The following SPATS2L variants were observed in gnomAD, a reference collection of about 807,000 sequenced individuals.
SPATS2L encodes SPATS2-like protein.
SPATS2L carries 30 observed loss-of-function variants against 59.6 expected under a neutral mutation model. The observed-to-expected ratio is 0.50, with a 90% CI of 0.38 to 0.68. SPATS2L has a LOEUF of 0.68. SPATS2L is among the 30% of genes least tolerant of loss of function. SPATS2L has a pLI of 0.00. For synonymous variants in SPATS2L, 252 were observed against 263.5 expected (o/e 0.96, Z 0.42); for missense variants, 615 against 700.0 (o/e 0.88, Z 1.37).
At chr2:200,327,475 A>G (rs940213695) in intron 1 of SPATS2L, among the ~76,000 whole-genome samples, 4 of 152,250 alleles carry the variant, frequency 2.6e-5, no homozygotes, top group East Asian at 1.9e-4. Context: ...GTAGTGGCAG[A>G]TGGAATTTAC....
intron 3 of SPATS2L, chr2:200,390,842 T>C (rs1270362155): frequency 6.7e-6 from 1 of 149,526 alleles, no homozygotes; most frequent in African/African-American, 2.5e-5. Flanking sequence ...CAGTCATGAA[T>C]GTAGGCAAAG....
chr2:200,474,155 G>A (rs998815491), intron 12 of SPATS2L, among the ~76,000 whole-genome samples: 1 of 148,894 alleles, frequency 6.7e-6, no homozygotes, highest in South Asian at 2.1e-4. Context: ...CAGGTGTCTT[G>A]TTGGGTTTTG....
chr2:200,454,593 GTC>G (rs1186681447), intron 8 of SPATS2L, among the ~76,000 whole-genome samples: 1 of 152,170 alleles, frequency 6.6e-6, no homozygotes, highest in Non-Finnish European at 1.5e-5. Context: ...AAACTGTAAA[GTC>G]TTTGCCATGG....
At chr2:200,459,038 T>C (rs4674085) in intron 8 of SPATS2L, among the ~76,000 whole-genome samples, 71,028 of 151,928 alleles carry the variant, frequency 0.47, 16,664 homozygotes, top group East Asian at 0.58. Flanking sequence ...AAAGGACATA[T>C]AAGGAATTTG....
chr2:200,396,992 T>G (rs1256349309), intron 3 of SPATS2L, among the ~76,000 whole-genome samples: 1 of 152,224 alleles, frequency 6.6e-6, no homozygotes, highest in Non-Finnish European at 1.5e-5. Flanking sequence ...AGAAGAGATT[T>G]GACAAGGAGT....
intron 2 of SPATS2L, among the ~76,000 whole-genome samples, chr2:200,347,260 C>T (rs1211956718): frequency 6.6e-6 from 1 of 152,140 alleles, no homozygotes; most frequent in African/African-American, 2.4e-5. Context: ...GATAATGTCC[C>T]CAGCCAAAAG....
intron 6 of SPATS2L, among the ~76,000 whole-genome samples, chr2:200,431,818 G>A (rs1008405649): frequency 1.1e-4 from 17 of 152,174 alleles, no homozygotes; most frequent in African/African-American, 4.1e-4. Flanking sequence ...TCCCCCAAGA[G>A]GAGGGTTTGT....
At chr2:200,465,891 G>C (rs2086560384) in intron 9 of SPATS2L, among the ~76,000 whole-genome samples, 1 of 152,154 alleles carries the variant, frequency 6.6e-6, no homozygotes, top group Non-Finnish European at 1.5e-5. Context: ...AATTAGCCAG[G>C]CATGGTGGCG....
chr2:200,306,727 G>A lies in SPATS2L; in HGVS notation c.-268G>A. ...AGTGAAGGAATCCAGTCCGGGGGCCGAGCTGGCTGCGCCCTCCGCTGCAAG... is the reference window on the plus strand; with the variant it reads ...AGTGAAGGAATCCAGTCCGGGGGCCAAGCTGGCTGCGCCCTCCGCTGCAAG... On this transcript the variant is annotated 5_prime_UTR_variant, in exon 1 of 13. Coordinates refer to ENST00000409140, the MANE Select transcript of SPATS2L (RefSeq NM_001100423.2). 2 of 966,224 alleles carry A rather than the reference G, an allele frequency of 2.1e-6. No homozygotes were observed. The highest frequency in any genetic ancestry group is 2.4e-6 in the Non-Finnish European group (2 of 822,150). The allele number at this position is 966,224 out of a possible 1,614,324, so 59.9% of individuals were successfully genotyped here.
At chr2:200,311,348 C>T (rs17592552) in intron 1 of SPATS2L, among the ~76,000 whole-genome samples, 8,697 of 152,170 alleles carry the variant, frequency 0.057, 501 homozygotes, top group Admixed American at 0.19. Context: ...TCTGAGGACT[C>T]GGCATTTCCC....
intron 2 of SPATS2L, among the ~76,000 whole-genome samples, chr2:200,375,169 T>G (rs553927488): frequency 2.0e-5 from 3 of 152,196 alleles, no homozygotes; most frequent in African/African-American, 7.2e-5. Context: ...GTAAAGTGCA[T>G]GTAGGTGCCA....
At chr2:200,436,547 C>T (rs887507028) in intron 6 of SPATS2L, among the ~76,000 whole-genome samples, 2 of 152,100 alleles carry the variant, frequency 1.3e-5, no homozygotes, top group Admixed American at 6.5e-5. Flanking sequence ...AATGTTGAAA[C>T]GAACCAGTAG....
intron 5 of SPATS2L, 51 bp downstream of exon 5, chr2:200,416,479 A>C (rs1305709615): frequency 2.8e-5 from 30 of 1,084,662 alleles, no homozygotes; most frequent in Non-Finnish European, 3.6e-5. Flanking sequence ...CAAAACCTTC[A>C]TGGTTGTTAT....
At chr2:200,417,952 A>G (rs1174830555) in intron 5 of SPATS2L, among the ~76,000 whole-genome samples, 1 of 152,174 alleles carries the variant, frequency 6.6e-6, no homozygotes, top group Admixed American at 6.5e-5. Flanking sequence ...CTGAGTATCA[A>G]CTGGGTACAA....
intron 2 of SPATS2L, among the ~76,000 whole-genome samples, chr2:200,378,944 G>T (rs573430563): frequency 2.6e-5 from 4 of 152,248 alleles, no homozygotes; most frequent in Non-Finnish European, 4.4e-5. Flanking sequence ...CCCATCCCCA[G>T]CCCCGCTAAC....
intron 3 of SPATS2L, among the ~76,000 whole-genome samples, chr2:200,410,453 C>T (rs768584332): frequency 6.6e-6 from 1 of 152,100 alleles, no homozygotes; most frequent in African/African-American, 2.4e-5. Flanking sequence ...TTGAGGGTTG[C>T]TCACAGGATC....
At position 200,388,192 on chromosome 2, in the gene SPATS2L, T is replaced by G. The variant is rs947395334; in HGVS notation, c.-22-1031T>G. The stretch of plus-strand genomic sequence containing the variant: ...AAAAACAAATTTAAAACTGTTATAT[T>G]CTGTTGGAGAGTAAGGCAGGAGAGG... On this transcript the variant is annotated intron_variant, in intron 2 of 12. Transcript: ENST00000409140. Among the ~76,000 whole-genome samples the G allele has an allele frequency of 4.6e-5, 7 of 152,104 alleles. 1 individual carries two copies. Among genetic ancestry groups the G allele is most frequent in the African/African-American group, 1.7e-4 (7 of 41,420 alleles).
chr2:200,323,726 A>G (rs1278079633), intron 1 of SPATS2L, among the ~76,000 whole-genome samples: 2 of 152,196 alleles, frequency 1.3e-5, no homozygotes, highest in Non-Finnish European at 2.9e-5. Context: ...CCTTTATAGA[A>G]ATAGGCATTT....
intron 9 of SPATS2L, among the ~76,000 whole-genome samples, chr2:200,465,896 G>A (rs1027138112): frequency 1.3e-5 from 2 of 152,172 alleles, no homozygotes; most frequent in African/African-American, 4.8e-5. Context: ...GCCAGGCATG[G>A]TGGCGGGCGC....
Sources: allele counts gnomAD v4.1 joint callset (sites outside exome capture counted in the v4.1 genomes callset), GRCh38; gene constraint gnomAD v4.1.1; transcripts MANE v1.5; gene names NCBI Gene and HGNC (gene_info 2026-07-23, HGNC 2026-07-21).